Variants in GABBR2 observed in about 807,000 individuals in gnomAD.
GABBR2 encodes G-protein coupled receptor 51.
A neutral mutation model predicts 105.6 loss-of-function variants in GABBR2; 23 were observed. The observed-to-expected ratio is 0.22, with a 90% CI of 0.16 to 0.31. The LOEUF (loss-of-function observed/expected upper bound fraction) is 0.31, where lower values mean the gene tolerates loss of function less well. Ranked by LOEUF, GABBR2 falls within the 10% of genes least tolerant of loss-of-function variation. The pLI is 1.00. For missense variants in GABBR2, 734 were observed against 1,245.5 expected (o/e 0.59, Z 6.18); for synonymous variants, 478 against 499.7 (o/e 0.96, Z 0.58).
chr9:98,694,927 G>T (rs1282551000), intron 1 of GABBR2, among the ~76,000 whole-genome samples: 1 of 152,170 alleles, frequency 6.6e-6, no homozygotes. Flanking sequence ...CCACTGAACT[G>T]CCCTGCCTCT....
At chr9:98,452,065 C>T (rs903773204) in intron 7 of GABBR2, among the ~76,000 whole-genome samples, 6 of 152,216 alleles carry the variant, frequency 3.9e-5, no homozygotes, top group Non-Finnish European at 5.9e-5. Flanking sequence ...AGGTCTTGCC[C>T]GTGCATGTGA....
At chr9:98,694,939 A>G (rs1229130964) in intron 1 of GABBR2, among the ~76,000 whole-genome samples, 1 of 152,096 alleles carries the variant, frequency 6.6e-6, no homozygotes, top group Non-Finnish European at 1.5e-5. Flanking sequence ...CCTGCCTCTA[A>G]CCTAAAAGAT....
intron 7 of GABBR2, among the ~76,000 whole-genome samples, chr9:98,413,028 A>G (rs902050459): frequency 8.5e-5 from 13 of 152,342 alleles, no homozygotes; most frequent in Admixed American, 8.5e-4. Flanking sequence ...TCCCATGTAT[A>G]TATATTAAAT....
rs79238644 is a variant in GABBR2 at position 98,470,840 on chromosome 9, A to C, written c.999+2306T>G. Among the ~76,000 whole-genome samples the C allele has an allele frequency of 1.9e-3, 291 of 151,774 alleles. 1 individual carries two copies. The highest frequency in any genetic ancestry group is 6.7e-3 in the African/African-American group (276 of 41,368). On this transcript the variant is annotated intron_variant, in intron 6 of 18. Coordinates refer to ENST00000259455, the MANE Select transcript of GABBR2 (RefSeq NM_005458.8). ...TTAATTGCATTAACATATTTTGTTT[A>C]ATCTTGATTACCGATGTATCTGGCA...
intron 1 of GABBR2, among the ~76,000 whole-genome samples, chr9:98,654,279 C>T (rs1191297358): frequency 6.6e-6 from 1 of 152,194 alleles, no homozygotes; most frequent in Non-Finnish European, 1.5e-5. Flanking sequence ...AACTTTGGGC[C>T]CCTCTGCACC....
At chr9:98,621,254 G>T (rs565400573) in intron 1 of GABBR2, among the ~76,000 whole-genome samples, 17 of 152,166 alleles carry the variant, frequency 1.1e-4, no homozygotes, top group Non-Finnish European at 2.9e-5. Context: ...GGTTACAGCT[G>T]GTTACAGAAG....
At chr9:98,415,550 C>T (rs957359745) in intron 7 of GABBR2, among the ~76,000 whole-genome samples, 1 of 152,216 alleles carries the variant, frequency 6.6e-6, no homozygotes, top group Non-Finnish European at 1.5e-5. Flanking sequence ...GCCTTTTCAT[C>T]TCTGTGCTCA....
chr9:98,369,442 G>T (rs935787350), intron 12 of GABBR2, among the ~76,000 whole-genome samples: 3 of 152,078 alleles, frequency 2.0e-5, no homozygotes, highest in African/African-American at 7.2e-5. Flanking sequence ...TATCACCAGG[G>T]CACCAGGCAG....
At chr9:98,471,232 C>T (rs767490747) in intron 6 of GABBR2, among the ~76,000 whole-genome samples, 1 of 152,138 alleles carries the variant, frequency 6.6e-6, no homozygotes, top group Non-Finnish European at 1.5e-5. Flanking sequence ...AAAGACCATG[C>T]GGACAGGGAT....
intron 2 of GABBR2, among the ~76,000 whole-genome samples, chr9:98,555,261 A>G (rs1828564781): frequency 6.6e-6 from 1 of 152,212 alleles, no homozygotes; most frequent in Admixed American, 6.5e-5. Flanking sequence ...GAGCATACCC[A>G]TTTTACAGAT....
At chr9:98,341,752 C>T (rs1221532711) in intron 13 of GABBR2, among the ~76,000 whole-genome samples, 1 of 152,134 alleles carries the variant, frequency 6.6e-6, no homozygotes, top group African/African-American at 2.4e-5. Context: ...TGAACAACAT[C>T]CTTCGTAGTA....
chr9:98,376,916 T>G (rs1831884527), intron 11 of GABBR2, among the ~76,000 whole-genome samples: 1 of 152,132 alleles, frequency 6.6e-6, no homozygotes, highest in African/African-American at 2.4e-5. Flanking sequence ...GAGAAATTTC[T>G]GAAAGGCACC....
chr9:98,335,483 C>T lies in GABBR2; in HGVS notation c.1894-24278G>A, dbSNP rs542921201. Among the ~76,000 whole-genome samples, 428 of 152,334 alleles carry T rather than the reference C, an allele frequency of 2.8e-3. 6 individuals are homozygous for T. Among genetic ancestry groups the T allele is most frequent in the African/African-American group, 9.9e-3 (412 of 41,570 alleles). ...GAGAGTCTGGACCAGAGAATCTCAA[C>T]TCCGGCTGCACACCAGAACCCATGG... On this transcript the variant is annotated intron_variant, in intron 13 of 18. Coordinates refer to ENST00000259455, the MANE Select transcript of GABBR2 (RefSeq NM_005458.8).
intron 1 of GABBR2, among the ~76,000 whole-genome samples, chr9:98,647,957 G>T (rs1365434516): frequency 6.9e-6 from 1 of 144,886 alleles, no homozygotes; most frequent in African/African-American, 2.6e-5. Flanking sequence ...TTAAGTGTTT[G>T]GTTTTTTTTT....
intron 11 of GABBR2, among the ~76,000 whole-genome samples, chr9:98,384,117 CCTCTAG>C (rs1242397945): frequency 6.6e-6 from 1 of 152,192 alleles, no homozygotes; most frequent in East Asian, 1.9e-4. Flanking sequence ...TTGACCATCC[CCTCTAG>C]CTCTGGTCTT....
At chr9:98,662,383 T>G (rs1028431548) in intron 1 of GABBR2, among the ~76,000 whole-genome samples, 1 of 152,174 alleles carries the variant, frequency 6.6e-6, no homozygotes, top group African/African-American at 2.4e-5. Context: ...AGATGGCTGT[T>G]GCTGGGTACA....
chr9:98,466,348 C>G (rs1389914499), intron 6 of GABBR2, among the ~76,000 whole-genome samples: 1 of 152,230 alleles, frequency 6.6e-6, no homozygotes, highest in African/African-American at 2.4e-5. Flanking sequence ...TGGGTATTAA[C>G]TGTAACACAT....
At chr9:98,590,583 G>A (rs1037183305) in intron 1 of GABBR2, among the ~76,000 whole-genome samples, 1 of 152,242 alleles carries the variant, frequency 6.6e-6, no homozygotes, top group Non-Finnish European at 1.5e-5. Flanking sequence ...TCGGGCTGCC[G>A]ATCAGGAGAG....
chr9:98,683,903 G>T (rs866079490), intron 1 of GABBR2, among the ~76,000 whole-genome samples: 1 of 150,976 alleles, frequency 6.6e-6, no homozygotes, highest in East Asian at 2.0e-4. Context: ...AGCTACTCGG[G>T]AGGCTGAGGC....
Sources: allele counts gnomAD v4.1 joint callset (sites outside exome capture counted in the v4.1 genomes callset), GRCh38; gene constraint gnomAD v4.1.1; transcripts MANE v1.5; gene names NCBI Gene and HGNC (gene_info 2026-07-23, HGNC 2026-07-21).